Variants in SMARCAD1 observed in about 807,000 individuals in gnomAD.
SMARCAD1 encodes the protein SNF2 related chromatin remodeling ATPase with DExD box 1, also known as SWI/SNF-related matrix-associated actin-dependent regulator of chromatin subfamily A containing DEAD/H box 1.
SMARCAD1 carries 25 observed loss-of-function variants against 127.1 expected under a neutral mutation model. That is an observed-to-expected ratio of 0.20 (90% CI 0.14 to 0.27). The LOEUF (loss-of-function observed/expected upper bound fraction) is 0.27, where lower values mean the gene tolerates loss of function less well. Ranked by LOEUF, SMARCAD1 falls within the 10% of genes least tolerant of loss-of-function variation. The probability of loss-of-function intolerance (pLI) is 1.00; values close to 1 mark genes in which losing one functional copy is unlikely to be tolerated. For synonymous variants in SMARCAD1, 400 were observed against 396.9 expected (o/e 1.01, Z -0.09); for missense variants, 807 against 1,206.0 (o/e 0.67, Z 4.90).
At chr4:94,273,184 C>T (rs879403134) in intron 11 of SMARCAD1, among the ~76,000 whole-genome samples, 10 of 152,136 alleles carry the variant, frequency 6.6e-5, no homozygotes, top group African/African-American at 2.2e-4. Flanking sequence ...CCAACATAAG[C>T]GCTCATATCT....
intron 23 of SMARCAD1, 103 bp from the exon 24 acceptor site, chr4:94,289,370 G>C: frequency 4.7e-6 from 5 of 1,071,176 alleles, no homozygotes; most frequent in Non-Finnish European, 7.1e-6. Flanking sequence ...ACTAGCCCTT[G>C]AAAGATGAGT....
At chr4:94,276,567 T>C in intron 15 of SMARCAD1, 93 bp downstream of exon 15, 2 of 1,459,804 alleles carry the variant, frequency 1.4e-6, no homozygotes, top group Non-Finnish European at 1.9e-6. Context: ...ATCTGTATTA[T>C]GTAGTTTAAT....
chr4:94,218,267 T>C lies in SMARCAD1; in HGVS notation c.191-7852T>C, dbSNP rs1216893230. 2.0e-5 allele frequency among the ~76,000 whole-genome samples: 3 copies of C among 152,062 alleles called. No individual in the cohort carries two copies. In the East Asian group the frequency reaches 5.8e-4, roughly 29 times the overall value. On this transcript the variant is annotated intron_variant, in intron 2 of 23. Transcript: ENST00000354268. ...GCATGACTTTCTTTTCCTTTATGTT[T>C]TAATTAATTAATTGTTTTATTTTAT...
rs141036972 is a variant in SMARCAD1 at position 94,271,348 on chromosome 4, G to T, written c.1572+530G>T. Among the ~76,000 whole-genome samples, 1,016 of 152,190 alleles carry T rather than the reference G, an allele frequency of 6.7e-3. 5 individuals are homozygous for T. Among genetic ancestry groups the T allele is most frequent in the Middle Eastern group, 0.054 (16 of 294 alleles). On this transcript the variant is annotated intron_variant, in intron 11 of 23. Transcript: ENST00000354268. ...TCTCTGTTCTTTCTCAAATCACATT[G>T]CCTTAAAGCTGAGTTCACAAAGTTT...
chr4:94,283,022 A>G, intron 21 of SMARCAD1, 99 bp from the exon 22 acceptor site: 3 of 981,716 alleles, frequency 3.1e-6, no homozygotes, highest in Non-Finnish European at 4.7e-6. Context: ...ATGTACATAC[A>G]TCTTCAGGTT....
chr4:94,229,483 T>C (rs909639646), intron 3 of SMARCAD1, among the ~76,000 whole-genome samples: 5 of 152,158 alleles, frequency 3.3e-5, no homozygotes, highest in African/African-American at 4.8e-5. Context: ...TTTTGGCAGC[T>C]GAGGGCCTCT....
In SMARCAD1 at chr4:94,273,564, ATTTAT is replaced by A. The variant is rs1300925863; in HGVS notation, c.1573-49_1573-45del. The A allele has an allele frequency of 3.9e-6, 5 of 1,288,840 alleles. No individual in the cohort carries two copies. In the African/African-American group the frequency reaches 7.4e-5, roughly 19 times the overall value. The allele number at this position is 1,288,840 out of a possible 1,614,324, so 79.8% of individuals were successfully genotyped here. The stretch of plus-strand genomic sequence containing the variant: ...TGCTTTTTCTTCTGTATTTTTATGT[ATTTAT>A]TTTTTGTTTGTTTTAAAATGTTATA... On this transcript the variant is annotated intron_variant, in intron 11 of 23. Transcript: ENST00000354268.
intron 23 of SMARCAD1, among the ~76,000 whole-genome samples, chr4:94,285,479 A>AT (rs1203653185): frequency 1.3e-5 from 2 of 152,154 alleles, no homozygotes; most frequent in Non-Finnish European, 1.5e-5. Context: ...AACTTACGAT[A>AT]CACTCTTCTG....
At chr4:94,209,218 G>C (rs1741786452) in intron 2 of SMARCAD1, among the ~76,000 whole-genome samples, 1 of 152,192 alleles carries the variant, frequency 6.6e-6, no homozygotes. Flanking sequence ...TTAACTATTA[G>C]AGGAATATAT....
At chr4:94,287,964 A>G (rs1019480574) in intron 23 of SMARCAD1, among the ~76,000 whole-genome samples, 1 of 152,040 alleles carries the variant, frequency 6.6e-6, no homozygotes, top group Non-Finnish European at 1.5e-5. Context: ...CAGCCTGGGC[A>G]ACATAGCAAG....
chr4:94,287,000 GACT>G (rs1192234135), intron 23 of SMARCAD1, among the ~76,000 whole-genome samples: 4 of 152,144 alleles, frequency 2.6e-5, no homozygotes, highest in Non-Finnish European at 5.9e-5. Context: ...AAATAGCTGG[GACT>G]ATAGGTGCCC....
chr4:94,256,226 T>C (rs575884987), intron 9 of SMARCAD1, among the ~76,000 whole-genome samples: 1 of 152,260 alleles, frequency 6.6e-6, no homozygotes, highest in East Asian at 1.9e-4. Context: ...TGCATCTACT[T>C]TGTTAACATT....
chr4:94,288,999 A>G (rs372260378), intron 23 of SMARCAD1, among the ~76,000 whole-genome samples: 6 of 152,172 alleles, frequency 3.9e-5, no homozygotes, highest in African/African-American at 1.2e-4. Context: ...ATCAGCTGGT[A>G]TGCTGTGCTC....
chr4:94,262,500 T>TTC (rs1474809195), intron 9 of SMARCAD1, among the ~76,000 whole-genome samples: 1 of 152,188 alleles, frequency 6.6e-6, no homozygotes, highest in Non-Finnish European at 1.5e-5. Context: ...ATTACTCTCA[T>TTC]AGAGTTCTTT....
At chr4:94,275,792 T>TTTTATTTTATTTTATTTTA (rs1753175367) in intron 14 of SMARCAD1, among the ~76,000 whole-genome samples, 3 of 84,704 alleles carry the variant, frequency 3.5e-5, no homozygotes, top group South Asian at 1.2e-3. Context: ...AACATTAACA[T>TTTTATTTTATTTTATTTTA]TTTCTTTTTT....
intron 5 of SMARCAD1, among the ~76,000 whole-genome samples, 174 bp downstream of exon 5, chr4:94,237,192 G>A (rs1353511473): frequency 1.3e-5 from 2 of 152,114 alleles, no homozygotes; most frequent in Non-Finnish European, 2.9e-5. Context: ...GTTTCTCACT[G>A]ATAATTTTAC....
intron 6 of SMARCAD1, among the ~76,000 whole-genome samples, chr4:94,249,228 A>G (rs1748910629): frequency 6.6e-6 from 1 of 152,102 alleles, no homozygotes; most frequent in African/African-American, 2.4e-5. Context: ...GAGTGAAGTA[A>G]AAGTAAACTC....
At chr4:94,241,501 C>T (rs1241716862) in intron 6 of SMARCAD1, among the ~76,000 whole-genome samples, 1 of 152,118 alleles carries the variant, frequency 6.6e-6, no homozygotes, top group Admixed American at 6.6e-5. Context: ...ACCCTGTCTC[C>T]AATAAGGTCA....
At chr4:94,237,178 A>G (rs1305803406) in intron 5 of SMARCAD1, among the ~76,000 whole-genome samples, 160 bp downstream of exon 5, 3 of 152,200 alleles carry the variant, frequency 2.0e-5, no homozygotes, top group African/African-American at 7.2e-5. Context: ...TAAAAAGGGA[A>G]GAAGTTTCTC....
Sources: gnomAD v4.1 joint callset for allele counts (sites outside exome capture counted in the v4.1 genomes callset) on GRCh38, gnomAD v4.1.1 for gene constraint, MANE v1.5 for transcripts, NCBI Gene and HGNC (gene_info 2026-07-23, HGNC 2026-07-21) for gene names.